The following VILL variants were observed in gnomAD, a reference collection of about 807,000 sequenced individuals.
VILL encodes villin-like protein.
VILL carries 102 observed loss-of-function variants against 106.3 expected under a neutral mutation model. The observed-to-expected ratio is 0.96, with a 90% CI of 0.82 to 1.13. The LOEUF is 1.13. Among genes scored for constraint, VILL ranks in the 50% most tolerant of loss-of-function variants. The probability of loss-of-function intolerance (pLI) is 0.00; values close to 1 mark genes in which losing one functional copy is unlikely to be tolerated. For synonymous variants in VILL, 431 were observed against 440.3 expected, an observed-to-expected ratio of 0.98 and a Z score of 0.27; for missense variants, 1,076 against 1,116.6, an observed-to-expected ratio of 0.96 and a Z score of 0.52.
chr3:38,006,025 A>G (rs1046839683), intron 17 of VILL, 51 bp downstream of exon 17: 1 of 1,592,350 alleles, frequency 6.3e-7, no homozygotes, highest in African/African-American at 1.3e-5. Context: ...GGGGAGAGGA[A>G]CCTGACCTGG....
chr3:38,002,746 C>T (rs953142722), intron 14 of VILL, 171 bp downstream of exon 14: 7 of 804,500 alleles, frequency 8.7e-6, no homozygotes, highest in Admixed American at 3.1e-5. Flanking sequence ...GGGAAAGTTA[C>T]AAAGTGACAG....
Position 38,006,179 on chromosome 3 carries a change from A to G in VILL, c.2134-2A>G, listed in dbSNP as rs777305133. The G allele has an allele frequency of 6.2e-7, 1 of 1,614,164 alleles. No individual in the cohort carries two copies. The highest frequency in any genetic ancestry group is 8.5e-7 in the Non-Finnish European group (1 of 1,180,020). ...TGATACTTGCCCCGATTCTTGCTCCAGAGCCACCCGTCCCACAAGGAAGTG... is the reference window on the plus strand; with the variant it reads ...TGATACTTGCCCCGATTCTTGCTCCGGAGCCACCCGTCCCACAAGGAAGTG... On this transcript the variant is annotated splice_acceptor_variant, in intron 17 of 19. Transcript: ENST00000383759. LOFTEE classifies it high-confidence loss of function.
chr3:37,988,416 G>A (rs1451090627), upstream of VILL, among the ~76,000 whole-genome samples: 1 of 152,164 alleles, frequency 6.6e-6, no homozygotes, highest in African/African-American at 2.4e-5. Flanking sequence ...AAATAGAATG[G>A]TGGTTGCAAG....
At chr3:37,996,851 CTGTATACA>C (rs1178633576) in intron 5 of VILL, among the ~76,000 whole-genome samples, 18 of 152,158 alleles carry the variant, frequency 1.2e-4, no homozygotes, top group Admixed American at 1.2e-3. Flanking sequence ...TACACCCCAC[CTGTATACA>C]TGTGTACATG....
At chr3:37,992,761 G>A (rs2125528181) in intron 1 of VILL, among the ~76,000 whole-genome samples, 1 of 152,226 alleles carries the variant, frequency 6.6e-6, no homozygotes, top group East Asian at 1.9e-4. Flanking sequence ...ACATTTCTTT[G>A]GCTACATGTT....
Position 38,004,282 on chromosome 3 carries a change from G to A in VILL, c.1833G>A (p.Gln611=). 6.2e-7 allele frequency: 1 copy of A among 1,613,650 alleles called. No homozygotes were observed. The highest frequency in any genetic ancestry group is 8.5e-7 in the Non-Finnish European group (1 of 1,179,550). ...TCCCTGAGGAGGTCCCCAGCTTCCA[G>A]CCACGACTGTTTGAGTGCTCCAGCC... ...KRLPEEVPSF[Q]PRLFECSSHM... is the part of the protein sequence containing the mutation. The change falls in exon 16 of 20, where the codon CAG becomes CAA. Residue 611 remains glutamine, a synonymous_variant. Coordinates refer to ENST00000383759, the MANE Select transcript of VILL (RefSeq NM_015873.4).
intron 10 of VILL, 61 bp downstream of exon 10, chr3:37,999,111 A>T: frequency 5.9e-6 from 3 of 505,118 alleles, no homozygotes; most frequent in Admixed American, 6.2e-5. Context: ...GGGGCCTGGC[A>T]GGAATCGGCA....
intron 3 of VILL, 38 bp from the exon 4 acceptor site, chr3:37,994,222 CT>C (rs1233676691): frequency 6.4e-7 from 1 of 1,569,304 alleles, no homozygotes; most frequent in Non-Finnish European, 8.6e-7. Flanking sequence ...GCACCTCCGT[CT>C]TCCCCGCAAC....
chr3:38,006,022 G>C, intron 17 of VILL, 48 bp downstream of exon 17: 1 of 1,592,724 alleles, frequency 6.3e-7, no homozygotes, highest in Non-Finnish European at 8.6e-7. Context: ...TGTGGGGAGA[G>C]GAACCTGACC....
chr3:38,006,152 CCT>C (rs1699917048), intron 17 of VILL, 27 bp from the exon 18 acceptor site: 2 of 1,614,116 alleles, frequency 1.2e-6, no homozygotes, highest in Non-Finnish European at 1.7e-6. Flanking sequence ...CTGCCCTGGC[CCT>C]GATACTTGCC....
intron 10 of VILL, 120 bp downstream of exon 10, chr3:37,999,170 C>A: frequency 8.2e-7 from 1 of 1,214,834 alleles, no homozygotes; most frequent in Non-Finnish European, 1.1e-6. Context: ...GGGGGCGGGG[C>A]CTGGTCTGCA....
chr3:38,001,867 C>T lies in VILL; in HGVS notation c.1479+7C>T. On this transcript the variant is annotated splice_region_variant and intron_variant, in intron 13 of 19. Transcript: ENST00000383759. Reference sequence around the variant, plus strand: ...CCAGCTGGTGATCTTCCAGGTAGGTCTCACCTTGCCACTCTGGCCACAGCC... The same window carrying T: ...CCAGCTGGTGATCTTCCAGGTAGGTTTCACCTTGCCACTCTGGCCACAGCC... The T allele has an allele frequency of 6.2e-7, 1 of 1,614,194 alleles. No homozygotes were observed. The highest frequency in any genetic ancestry group is 2.2e-5 in the East Asian group (1 of 44,894).
intron 1 of VILL, 125 bp from the exon 2 acceptor site, chr3:37,993,462 C>G: frequency 1.7e-6 from 1 of 579,178 alleles, no homozygotes; most frequent in Non-Finnish European, 3.1e-6. Flanking sequence ...TATGCCTAAT[C>G]TGCCCAACCC....
chr3:37,989,784 G>A (rs1434455474), upstream of VILL, among the ~76,000 whole-genome samples: 1 of 152,164 alleles, frequency 6.6e-6, no homozygotes, highest in Non-Finnish European at 1.5e-5. Flanking sequence ...ACACACATGA[G>A]GTCGGACAGG....
In VILL at chr3:37,997,073, G is replaced by A; in HGVS notation, c.451-4G>A. On this transcript the variant is annotated splice_polypyrimidine_tract_variant and splice_region_variant and intron_variant, in intron 5 of 19. Coordinates refer to ENST00000383759, the MANE Select transcript of VILL (RefSeq NM_015873.4). The surrounding 1 kb of genome is among the most constrained non-coding windows in gnomAD (Gnocchi z 4.7). ...CACTCTGTCTCTCTCCCTGGCTCTG[G>A]CAGGTGGAGCTCTCCTGGAACAGCT... is the stretch of plus-strand genomic sequence containing the variant. 3.1e-6 allele frequency: 5 copies of A among 1,613,570 alleles called. No homozygotes were observed. The highest frequency in any genetic ancestry group is 4.2e-6 in the Non-Finnish European group (5 of 1,179,580).
intron 11 of VILL, chr3:38,000,843 G>C: frequency 2.2e-6 from 1 of 456,560 alleles, no homozygotes; most frequent in East Asian, 6.9e-5. Context: ...ATGCAGAGGT[G>C]AGGTAAGGGA....
Position 37,997,760 on chromosome 3 carries a change from G to A in VILL, c.764+75G>A, listed in dbSNP as rs1445406031. On this transcript the variant is annotated intron_variant, in intron 7 of 19. Transcript: ENST00000383759. This position sits in a 1 kb window ranked among gnomAD's most constrained non-coding sequence, Gnocchi z 4.7. ...GTGTCCATCACTACTGCAATAACAC[G>A]GCATCTCTAGAAGGCCCTCCAGCAA... The A allele has an allele frequency of 2.2e-5, 33 of 1,480,966 alleles. No individual in the cohort carries two copies. Among genetic ancestry groups the A allele is most frequent in the African/African-American group, 2.8e-5 (2 of 72,372 alleles). 91.7% of individuals were successfully genotyped at this position (1,480,966 alleles called of 1,614,324 possible).
intron 1 of VILL, among the ~76,000 whole-genome samples, chr3:37,991,982 G>A (rs138606138): frequency 6.4e-4 from 97 of 152,230 alleles, no homozygotes; most frequent in Middle Eastern, 3.4e-3. Context: ...TTGGCTCTAC[G>A]GGCTGGGGCT....
At chr3:38,006,802 G>A (rs1699938562) in intron 19 of VILL, 102 bp downstream of exon 19, 1 of 1,534,748 alleles carries the variant, frequency 6.5e-7, no homozygotes, top group Non-Finnish European at 8.8e-7. Flanking sequence ...ACTGCCCCGG[G>A]AGATGTGTCT....
Sources: allele counts gnomAD v4.1 joint callset (sites outside exome capture counted in the v4.1 genomes callset), GRCh38; gene constraint gnomAD v4.1.1; non-coding constraint Gnocchi (gnomAD v3.1); transcripts MANE v1.5; gene names NCBI Gene and HGNC (gene_info 2026-07-23, HGNC 2026-07-21).